The following JAG1 variants were observed in gnomAD, a reference collection of about 807,000 sequenced individuals.
JAG1 encodes the protein jagged canonical Notch ligand 1, also known as protein jagged-1.
In JAG1, 23 loss-of-function variants were observed where a neutral mutation model predicts 148.7. The observed-to-expected ratio is 0.15, with a 90% confidence interval of 0.11 to 0.22. The LOEUF (loss-of-function observed/expected upper bound fraction) is 0.22. Ranked by LOEUF, JAG1 falls within the 10% of genes least tolerant of loss-of-function variation. The pLI, the probability that JAG1 is intolerant of heterozygous loss-of-function variation, is 1.00. For synonymous variants in JAG1, 572 were observed against 598.3 expected (o/e 0.96, Z 0.64); for missense variants, 1,054 against 1,611.2 (o/e 0.65, Z 5.92).
At chr20:10,655,989 G>T (rs909487432) in intron 5 of JAG1, among the ~76,000 whole-genome samples, 2 of 152,182 alleles carry the variant, frequency 1.3e-5, no homozygotes, top group African/African-American at 4.8e-5. Context: ...TCTAAAGAAT[G>T]CTGGACTTTC....
At chr20:10,646,836 A>AC in intron 14 of JAG1, 103 bp downstream of exon 14, 1 of 1,261,370 alleles carries the variant, frequency 7.9e-7, no homozygotes, top group Non-Finnish European at 1.2e-6. Context: ...AAAAAAAAAA[A>AC]AAAAACTTTC....
rs1368530202 is a variant in JAG1, at chr20:10,658,625, A to G, written c.537T>C (p.Phe179=). 1.2e-6 allele frequency: 2 copies of G among 1,614,124 alleles called. No individual in the cohort carries two copies. The highest frequency in any genetic ancestry group is 1.7e-6 in the Non-Finnish European group (2 of 1,180,060). The change falls in exon 4 of 26, where the codon TTT becomes TTC. Residue 179 remains phenylalanine, a synonymous_variant. Transcript: ENST00000254958. ...TLKQNTGVAH[F]EYQIRVTCDD... The stretch of plus-strand genomic sequence containing the variant: ...CACAGGTCACGCGGATCTGATACTC[A>G]AAGTGGGCAACGCCCGTGTTCTGCT...
intron 14 of JAG1, 121 bp from the exon 15 acceptor site, chr20:10,646,205 C>A: frequency 1.4e-6 from 1 of 727,394 alleles, no homozygotes; most frequent in Non-Finnish European, 2.5e-6. Context: ...CACCTGCTAC[C>A]CTCCATCAGG....
Position 10,643,820 on chromosome 20 carries a change from A to G in JAG1, c.2416T>C (p.Cys806Arg). 2 of 1,614,128 alleles carry G rather than the reference A, an allele frequency of 1.2e-6. No individual in the cohort carries two copies. Among genetic ancestry groups the G allele is most frequent in the Non-Finnish European group, 1.7e-6 (2 of 1,180,002 alleles). Residue 806 changes from cysteine to arginine, a missense_variant, in exon 20 of 26, where the codon TGC becomes CGC. By Grantham distance (180) the Cys-to-Arg change is radical. Transcript: ENST00000254958. Reference protein sequence around the residue: ...TCVDGDNWYRCECAPGFAGPD... With the variant: ...TCVDGDNWYRRECAPGFAGPD... ...CCAGCAAAACCCGGGGCACATTCGC[A>G]CCGGTACCAGTTGTCTCCATCCACA...
intron 5 of JAG1, among the ~76,000 whole-genome samples, chr20:10,653,662 A>G (rs2067360931): frequency 1.3e-5 from 2 of 151,572 alleles, no homozygotes; most frequent in African/African-American, 4.9e-5. Context: ...ATCAGCGCCA[A>G]CCCCCTAAGC....
Position 10,651,765 on chromosome 20 carries a change from C to T in JAG1, c.1007-71G>A, listed in dbSNP as rs796491010. 7.4e-5 allele frequency: 69 copies of T among 930,160 alleles called. 1 individual carries two copies. In the African/African-American group the frequency reaches 9.2e-4, roughly 12 times the overall value. 57.6% of individuals were successfully genotyped at this position (930,160 alleles called of 1,614,324 possible). Reference sequence around the variant, plus strand: ...TTACCTCCCCACACCCCCCTCCAACCGAATCCCACACCACAGCCACTAGTG... The same window carrying T: ...TTACCTCCCCACACCCCCCTCCAACTGAATCCCACACCACAGCCACTAGTG... On this transcript the variant is annotated intron_variant, in intron 7 of 25. Transcript: ENST00000254958.
intron 25 of JAG1, among the ~76,000 whole-genome samples, chr20:10,640,270 A>C (rs2067261291): frequency 6.6e-6 from 1 of 152,226 alleles, no homozygotes; most frequent in Admixed American, 6.5e-5. Context: ...AGCTCAGTAC[A>C]GGAGTTGGTT....
intron 18 of JAG1, 110 bp downstream of exon 18, chr20:10,644,753 A>G (rs900176902): frequency 2.4e-6 from 2 of 845,556 alleles, no homozygotes; most frequent in Non-Finnish European, 4.2e-6. Context: ...CCCAGGTGAT[A>G]CAAAAGCAGA....
chr20:10,653,548 A>G (rs954256757), intron 5 of JAG1, among the ~76,000 whole-genome samples: 2 of 142,118 alleles, frequency 1.4e-5, no homozygotes, highest in Admixed American at 7.3e-5. Context: ...GCAGGGAGAA[A>G]CATCAACTAG....
chr20:10,648,882 A>C, intron 11 of JAG1, 160 bp from the exon 12 acceptor site: 1 of 892,502 alleles, frequency 1.1e-6, no homozygotes, highest in Non-Finnish European at 1.8e-6. Flanking sequence ...TTCTATGTGC[A>C]TGCCTTCAAA....
rs756190529 is a variant in JAG1, at chr20:10,673,752, T to G, written c.-222A>C. ...CAAAGAGCCCGGCCTCCTTTTATTA[T>G]TCTGATCGCTTCTTTGAGACGCTCC... On this transcript the variant is annotated 5_prime_UTR_variant, in exon 1 of 26. Coordinates refer to ENST00000254958, the MANE Select transcript of JAG1 (RefSeq NM_000214.3). The surrounding 1 kb of genome is among the most constrained non-coding windows in gnomAD (Gnocchi z 4.7). The G allele has an allele frequency of 2.2e-4, 54 of 242,546 alleles. No homozygotes were observed. Among genetic ancestry groups the G allele is most frequent in the Admixed American group, 7.2e-4 (13 of 18,056 alleles). 15.0% of individuals were successfully genotyped at this position (242,546 alleles called of 1,614,324 possible).
intron 8 of JAG1, chr20:10,650,978 C>T (rs2067342113): frequency 6.3e-6 from 1 of 159,330 alleles, no homozygotes; most frequent in Non-Finnish European, 1.4e-5. Flanking sequence ...CCAGCACAGG[C>T]AATCTGACCC....
At chr20:10,656,540 A>C in intron 4 of JAG1, 82 bp from the exon 5 acceptor site, 2 of 1,196,748 alleles carry the variant, frequency 1.7e-6, no homozygotes, top group South Asian at 1.2e-5. Context: ...CATTGCATTA[A>C]AGTCTGCAAA....
chr20:10,650,213 G>A (rs2067336191), intron 9 of JAG1, 34 bp downstream of exon 9: 1 of 1,389,196 alleles, frequency 7.2e-7, no homozygotes, highest in Non-Finnish European at 1.0e-6. Context: ...AGCCAACCTT[G>A]GTATAAAAAT....
At position 10,649,130 on chromosome 20, in the gene JAG1, T is replaced by G. The variant is rs746636246; in HGVS notation, c.1349-23A>C. The G allele has an allele frequency of 3.9e-6, 6 of 1,540,288 alleles. No individual in the cohort carries two copies. In the East Asian group the frequency reaches 6.7e-5, roughly 17 times the overall value. On this transcript the variant is annotated intron_variant, in intron 10 of 25. Coordinates refer to ENST00000254958, the MANE Select transcript of JAG1 (RefSeq NM_000214.3). ...TATCTAAAAAATAAATAAGTCATCA[T>G]TTTAAAGAGGTAATTTACAGTGAAA...
chr20:10,666,094 G>A (rs1472509760), intron 2 of JAG1, among the ~76,000 whole-genome samples: 1 of 152,076 alleles, frequency 6.6e-6, no homozygotes, highest in East Asian at 1.9e-4. Flanking sequence ...AACAAAGCCT[G>A]GACTTTTTTT....
In JAG1 at chr20:10,644,973, T is replaced by G. The variant is rs1314917198; in HGVS notation, c.2234A>C (p.Asn745Thr). 3 of 1,612,328 alleles carry G rather than the reference T, an allele frequency of 1.9e-6. No homozygotes were observed. The highest frequency in any genetic ancestry group is 2.5e-6 in the Non-Finnish European group (3 of 1,179,290). The change falls in exon 18 of 26, where the codon AAC (asparagine) becomes ACC (threonine). Residue 745 changes from asparagine to threonine, a missense_variant. Coordinates refer to ENST00000254958, the MANE Select transcript of JAG1 (RefSeq NM_000214.3). ...GCAGGGGTTGGGCAGGCAGCTACTG[T>G]TTCGGGCTATAAAAGAAGAGCAGAC... is the stretch of plus-strand genomic sequence containing the variant. Reference protein sequence around the residue: ...WEGTTCNIARNSSCLPNPCHN... With the variant: ...WEGTTCNIARTSSCLPNPCHN...
In JAG1 at chr20:10,643,763, G is replaced by A. The variant is rs1303192220; in HGVS notation, c.2458+15C>T. The stretch of plus-strand genomic sequence containing the variant: ...GGTAAAGCCATTGGGAAAACCAGAC[G>A]GAGACAGTCCTTACTTATTCTGCAG... On this transcript the variant is annotated intron_variant, in intron 20 of 25. Transcript: ENST00000254958. 11 of 1,607,928 alleles carry A rather than the reference G, an allele frequency of 6.8e-6. No individual in the cohort carries two copies. The highest frequency in any genetic ancestry group is 3.3e-5 in the Admixed American group (2 of 59,990).
At chr20:10,653,058 A>G (rs1432353886) in intron 5 of JAG1, among the ~76,000 whole-genome samples, 5 of 152,108 alleles carry the variant, frequency 3.3e-5, no homozygotes, top group Non-Finnish European at 7.4e-5. Flanking sequence ...AAATGCAACA[A>G]GCCACCAAGT....
Sources: gnomAD v4.1 joint callset for allele counts (sites outside exome capture counted in the v4.1 genomes callset) on GRCh38, gnomAD v4.1.1 for gene constraint, Gnocchi (gnomAD v3.1) non-coding constraint, MANE v1.5 for transcripts, NCBI Gene and HGNC (gene_info 2026-07-23, HGNC 2026-07-21) for gene names.